KLRG1: variants seen among roughly 807,000 people sequenced by gnomAD.
KLRG1 encodes the protein killer cell lectin like receptor G1, also known as killer cell lectin-like receptor subfamily G member 1.
In KLRG1, 16 loss-of-function variants were observed where a neutral mutation model predicts 21.8. The ratio of observed to expected loss-of-function variants is 0.73; its 90% CI spans 0.50 to 1.11. The LOEUF (loss-of-function observed/expected upper bound fraction) is 1.11. Among genes scored for constraint, KLRG1 ranks in the 50% most tolerant of loss-of-function variants. The pLI is 0.00. For synonymous variants in KLRG1, 69 were observed against 75.9 expected, an observed-to-expected ratio of 0.91 and a Z score of 0.47; for missense variants, 173 against 218.3, an observed-to-expected ratio of 0.79 and a Z score of 1.31.
At chr12:9,017,844 G>A in the KLRG1 span, among the ~76,000 whole-genome samples, 299 of 152,286 alleles carry the variant, frequency 2.0e-3, 1 homozygote, top group Admixed American at 3.6e-3. Context: ...TGTAGATGAT[G>A]TGATATTGTA....
the KLRG1 span, among the ~76,000 whole-genome samples, chr12:9,081,975 G>A: frequency 9.2e-5 from 14 of 152,220 alleles, no homozygotes; most frequent in Non-Finnish European, 1.3e-4. Flanking sequence ...AGCATGTTGG[G>A]AAGTTCAACC....
chr12:9,087,054 GAAAT>G, the KLRG1 span, among the ~76,000 whole-genome samples: 1 of 151,926 alleles, frequency 6.6e-6, no homozygotes, highest in Non-Finnish European at 1.5e-5. Flanking sequence ...ACAATATGTA[GAAAT>G]AAATCTAATC....
At chr12:8,974,494 A>T (rs1946624782) in intron 1 of KLRG1, among the ~76,000 whole-genome samples, 2 of 144,718 alleles carry the variant, frequency 1.4e-5, no homozygotes, top group Admixed American at 1.4e-4. Context: ...ATTGATTGGG[A>T]TGTTAGCTGT....
At chr12:9,113,508 G>T in the KLRG1 span, 3 of 1,613,982 alleles carry the variant, frequency 1.9e-6, no homozygotes, top group Non-Finnish European at 2.5e-6. Flanking sequence ...AGTGGTCTCA[G>T]TGTGGAGCAG....
the KLRG1 span, among the ~76,000 whole-genome samples, chr12:9,039,362 T>A: frequency 4.6e-5 from 7 of 152,254 alleles, no homozygotes; most frequent in Non-Finnish European, 7.3e-5. Flanking sequence ...ACAAATAGAA[T>A]GATTAAAAAG....
the KLRG1 span, among the ~76,000 whole-genome samples, chr12:9,144,165 AAGAGAGAGAG>A: frequency 3.1e-4 from 47 of 149,554 alleles, no homozygotes; most frequent in Middle Eastern, 3.5e-3. Flanking sequence ...CCACATGAGG[AAGAGAGAGAG>A]AGAGAGAGAG....
Position 9,010,179 on chromosome 12 carries a change from C to A in KLRG1, c.*642C>A. 4.1e-6 allele frequency: 2 copies of A among 488,794 alleles called. No individual in the cohort carries two copies. Among genetic ancestry groups the A allele is most frequent in the South Asian group, 3.8e-5 (1 of 26,212 alleles). The allele number at this position is 488,794 out of a possible 1,614,324, so 30.3% of individuals were successfully genotyped here. A position where few individuals can be genotyped will look rare whatever the true frequency, so the allele number is the denominator to read the frequency against. Reference sequence around the variant, plus strand: ...CCAGCCTGGGAGATAGAGCAAGACTCCATCTCTAAAAAAAAAAAAAAATGC... The same window carrying A: ...CCAGCCTGGGAGATAGAGCAAGACTACATCTCTAAAAAAAAAAAAAAATGC... On this transcript the variant is annotated 3_prime_UTR_variant, in exon 5 of 5. Coordinates refer to ENST00000356986, the MANE Select transcript of KLRG1 (RefSeq NM_005810.4).
chr12:9,214,133 C>G, the KLRG1 span, among the ~76,000 whole-genome samples: 1 of 151,928 alleles, frequency 6.6e-6, no homozygotes, highest in East Asian at 1.9e-4. Context: ...CAAAAATAAA[C>G]TGACCAAAAA....
At chr12:9,090,878 T>G in the KLRG1 span, among the ~76,000 whole-genome samples, 3 of 152,206 alleles carry the variant, frequency 2.0e-5, no homozygotes, top group African/African-American at 7.2e-5. Flanking sequence ...TTTAATATAA[T>G]GAATGAGCTA....
the KLRG1 span, among the ~76,000 whole-genome samples, chr12:9,049,459 G>A: frequency 7.9e-5 from 12 of 152,274 alleles, no homozygotes; most frequent in African/African-American, 2.2e-4. Context: ...AAAATAAAGG[G>A]ATGTGGTATT....
At chr12:9,186,946 C>T in the KLRG1 span, among the ~76,000 whole-genome samples, 1 of 151,348 alleles carries the variant, frequency 6.6e-6, no homozygotes, top group Non-Finnish European at 1.5e-5. Context: ...ACATGTACAC[C>T]TATGTAACAA....
At chr12:9,109,531 A>T in the KLRG1 span, 1 of 725,324 alleles carries the variant, frequency 1.4e-6, no homozygotes, top group Non-Finnish European at 2.4e-6. Context: ...TCTGCTCTCC[A>T]ATCTATTCTT....
At chr12:9,182,010 CAG>C in the KLRG1 span, 3 of 1,613,816 alleles carry the variant, frequency 1.9e-6, no homozygotes, top group East Asian at 4.5e-5. Flanking sequence ...TCAAATTTTT[CAG>C]AGTCTCCAAC....
intron 2 of KLRG1, among the ~76,000 whole-genome samples, chr12:8,993,252 C>T (rs912762338): frequency 2.6e-5 from 4 of 151,490 alleles, no homozygotes; most frequent in Non-Finnish European, 2.9e-5. Context: ...TGATAGTGAC[C>T]GATTACACAG....
the KLRG1 span, among the ~76,000 whole-genome samples, chr12:9,123,570 T>C: frequency 1.3e-5 from 2 of 152,182 alleles, no homozygotes; most frequent in Admixed American, 1.3e-4. Context: ...TGGCACACAA[T>C]TGAAAATTTA....
chr12:9,129,555 G>T, the KLRG1 span, among the ~76,000 whole-genome samples: 1 of 151,970 alleles, frequency 6.6e-6, no homozygotes, highest in Non-Finnish European at 1.5e-5. Context: ...GCAGGTATGG[G>T]TTTTCCTTTT....
At chr12:9,132,170 A>G in the KLRG1 span, among the ~76,000 whole-genome samples, 8 of 152,352 alleles carry the variant, frequency 5.3e-5, no homozygotes, top group South Asian at 1.2e-3. Context: ...AGGAAGTCTG[A>G]AAGATAAAAT....
the KLRG1 span, among the ~76,000 whole-genome samples, chr12:9,188,995 C>T: frequency 5.4e-4 from 82 of 151,892 alleles, no homozygotes; most frequent in Non-Finnish European, 9.6e-4. Flanking sequence ...TCAAAGAAAT[C>T]AGAGATGATG....
At chr12:9,000,421 C>T (rs989994859) in intron 3 of KLRG1, among the ~76,000 whole-genome samples, 7 of 152,188 alleles carry the variant, frequency 4.6e-5, no homozygotes, top group Admixed American at 4.6e-4. Context: ...ATATGCATAG[C>T]ATAAAATGTA....
Sources: allele counts gnomAD v4.1 joint callset (sites outside exome capture counted in the v4.1 genomes callset), GRCh38; gene constraint gnomAD v4.1.1; transcripts MANE v1.5; gene names NCBI Gene and HGNC (gene_info 2026-07-23, HGNC 2026-07-21).